CD5: variants seen among roughly 807,000 people sequenced by gnomAD.
CD5 encodes the protein T-cell surface glycoprotein CD5.
Under a neutral mutation model 60.3 loss-of-function variants are expected in CD5, and 36 were observed. The ratio of observed to expected loss-of-function variants is 0.60; its 90% CI spans 0.46 to 0.79. CD5 has a LOEUF of 0.79. Ranked by LOEUF, CD5 falls within the 30% of genes least tolerant of loss-of-function variation. The pLI is 0.00. For synonymous variants in CD5, 230 were observed against 257.6 expected (o/e 0.89, Z 1.03); for missense variants, 540 against 630.6 (o/e 0.86, Z 1.54).
At chr11:61,113,563 A>G (rs1860890349) in intron 1 of CD5, among the ~76,000 whole-genome samples, 1 of 152,264 alleles carries the variant, frequency 6.6e-6, no homozygotes, top group South Asian at 2.1e-4. Context: ...TTCTCCAGAA[A>G]TGGGCAGCTG....
At chr11:61,097,430 A>AG in the CD5 span, among the ~76,000 whole-genome samples, 1 of 152,354 alleles carries the variant, frequency 6.6e-6, no homozygotes, top group Non-Finnish European at 1.5e-5. Flanking sequence ...ATGGTACCAC[A>AG]GAAACAGTCA....
intron 1 of CD5, among the ~76,000 whole-genome samples, chr11:61,105,294 C>T (rs1319308959): frequency 2.0e-5 from 3 of 152,212 alleles, no homozygotes; most frequent in Admixed American, 6.5e-5. Flanking sequence ...CTAGCCGATG[C>T]GACTCTGAAA....
At chr11:61,116,057 C>G (rs1860938198) in intron 2 of CD5, among the ~76,000 whole-genome samples, 1 of 152,142 alleles carries the variant, frequency 6.6e-6, no homozygotes. Flanking sequence ...CTTGGCGAGC[C>G]CTGGCCCTGA....
At chr11:61,099,531 TTCGCACACATCAACATGGAGATCAC>T (rs1860629453), upstream of CD5, among the ~76,000 whole-genome samples, 3 of 23,972 alleles carry the variant, frequency 1.3e-4, no homozygotes, top group South Asian at 2.6e-3. Flanking sequence ...GGAGATCACA[TTCGCACACATCAACATGGAGATCAC>T]ACACACACAT....
chr11:61,108,980 C>T (rs565564612), intron 1 of CD5, among the ~76,000 whole-genome samples: 2 of 152,174 alleles, frequency 1.3e-5, no homozygotes, highest in Non-Finnish European at 2.9e-5. Flanking sequence ...GCAGGCCACA[C>T]CCTTGCCTCC....
At chr11:61,095,162 G>T in the CD5 span, among the ~76,000 whole-genome samples, 299 of 152,140 alleles carry the variant, frequency 2.0e-3, 1 homozygote, top group Non-Finnish European at 2.1e-3. Context: ...CAAGAGGAAG[G>T]GCTCCCCACT....
chr11:61,103,677 CTGTG>C (rs936164314), intron 1 of CD5, among the ~76,000 whole-genome samples: 10 of 139,540 alleles, frequency 7.2e-5, no homozygotes, highest in African/African-American at 3.0e-4. Context: ...GTGTGTGAGT[CTGTG>C]TGTGAGTCTC....
At position 61,115,108 on chromosome 11, in the gene CD5, A is replaced by G; in HGVS notation, c.94+14A>G. 6.4e-7 allele frequency: 1 copy of G among 1,553,454 alleles called. No homozygotes were observed. The highest frequency in any genetic ancestry group is 8.7e-7 in the Non-Finnish European group (1 of 1,147,758). ...GGTATGACCCAGGTAAGGAAGAGCC[A>G]CATGGAGAAAGGCCTGGGGCAGGGG... is the stretch of plus-strand genomic sequence containing the variant. On this transcript the variant is annotated intron_variant, in intron 2 of 10. Coordinates refer to ENST00000347785, the MANE Select transcript of CD5 (RefSeq NM_014207.4).
At chr11:61,108,995 C>T (rs1860811675) in intron 1 of CD5, among the ~76,000 whole-genome samples, 1 of 152,284 alleles carries the variant, frequency 6.6e-6, no homozygotes, top group Non-Finnish European at 1.5e-5. Context: ...GCCTCCATTT[C>T]CCAGGGTGCA....
intron 1 of CD5, among the ~76,000 whole-genome samples, chr11:61,106,318 G>C (rs1399178376): frequency 6.6e-6 from 1 of 152,130 alleles, no homozygotes; most frequent in Admixed American, 6.5e-5. Flanking sequence ...ACCTGAATGA[G>C]GGACGGAGCC....
At chr11:61,100,405 A>G (rs1274984177), upstream of CD5, among the ~76,000 whole-genome samples, 1 of 148,684 alleles carries the variant, frequency 6.7e-6, no homozygotes, top group African/African-American at 2.5e-5. Context: ...CAACATGGAG[A>G]TCACATTCAC....
chr11:61,114,266 C>T (rs532699368), intron 1 of CD5, among the ~76,000 whole-genome samples: 40 of 152,188 alleles, frequency 2.6e-4, no homozygotes, highest in African/African-American at 7.7e-4. Context: ...CATAAGCCAC[C>T]GTGCACGGCC....
At chr11:61,125,386 C>T (rs1861133919) in intron 9 of CD5, among the ~76,000 whole-genome samples, 1 of 152,212 alleles carries the variant, frequency 6.6e-6, no homozygotes, top group South Asian at 2.1e-4. Flanking sequence ...GAAGAATGCA[C>T]TCAGAAAGCC....
chr11:61,099,410 C>T (rs1286922614), upstream of CD5, among the ~76,000 whole-genome samples: 1 of 19,330 alleles, frequency 5.2e-5, no homozygotes, highest in Non-Finnish European at 8.7e-5. Flanking sequence ...ACATGGAAAT[C>T]ACACACATCA....
chr11:61,101,246 A>G (rs1438367587), upstream of CD5, among the ~76,000 whole-genome samples: 1 of 112,438 alleles, frequency 8.9e-6, no homozygotes, highest in Non-Finnish European at 1.8e-5. Context: ...TCACATTCAC[A>G]CACATCAACA....
At chr11:61,116,951 A>T (rs1860976257) in intron 2 of CD5, among the ~76,000 whole-genome samples, 1 of 151,894 alleles carries the variant, frequency 6.6e-6, no homozygotes. Context: ...ATCACACAAG[A>T]CACATGTCTA....
At chr11:61,125,989 G>A (rs2134615465) in intron 10 of CD5, 148 bp downstream of exon 10, 1 of 479,536 alleles carries the variant, frequency 2.1e-6, no homozygotes, top group South Asian at 3.9e-5. Flanking sequence ...TAAAGGGAAA[G>A]ACAAACGTCA....
In CD5 at chr11:61,118,568, C is replaced by A; in HGVS notation, c.400+88C>A. The A allele has an allele frequency of 6.6e-6, 9 of 1,366,408 alleles. No individual in the cohort carries two copies. The highest frequency in any genetic ancestry group is 9.1e-6 in the Non-Finnish European group (9 of 989,468). 84.6% of individuals were successfully genotyped at this position (1,366,408 alleles called of 1,614,324 possible). A position where few individuals can be genotyped will look rare whatever the true frequency, so the allele number is the denominator to read the frequency against. ...CGAGGCCTGTGATCTAGGGTCTGAG[C>A]AGGCTGGTGGAAGGGGTGGGGGGAC... On this transcript the variant is annotated intron_variant, in intron 3 of 10. Transcript: ENST00000347785. The surrounding 1 kb of genome is among the most constrained non-coding windows in gnomAD (Gnocchi z 4.7).
intron 5 of CD5, among the ~76,000 whole-genome samples, chr11:61,120,633 A>G (rs1373526000): frequency 1.3e-5 from 2 of 152,108 alleles, no homozygotes; most frequent in Non-Finnish European, 2.9e-5. Flanking sequence ...ATCAGAATCC[A>G]CTTTTCAGCA....
Sources: allele counts gnomAD v4.1 joint callset (sites outside exome capture counted in the v4.1 genomes callset), GRCh38; gene constraint gnomAD v4.1.1; non-coding constraint Gnocchi (gnomAD v3.1); transcripts MANE v1.5; gene names NCBI Gene and HGNC (gene_info 2026-07-23, HGNC 2026-07-21).